NAMPT: variants seen among roughly 807,000 people sequenced by gnomAD.
NAMPT encodes the protein nicotinamide phosphoribosyltransferase.
In NAMPT, 7 loss-of-function variants were observed where a neutral mutation model predicts 58.7. The ratio of observed to expected loss-of-function variants is 0.12; its 90% CI spans 0.07 to 0.22. The LOEUF (loss-of-function observed/expected upper bound fraction) is 0.22, where lower values mean the gene tolerates loss of function less well. Ranked by LOEUF, NAMPT falls within the 10% of genes least tolerant of loss-of-function variation. The probability of loss-of-function intolerance (pLI) is 1.00; values close to 1 mark genes in which losing one functional copy is unlikely to be tolerated. For synonymous variants in NAMPT, 145 were observed against 198.1 expected, an observed-to-expected ratio of 0.73 and a Z score of 2.25; for missense variants, 271 against 567.9, an observed-to-expected ratio of 0.48 and a Z score of 5.31.
rs138769863 is a variant in NAMPT, at chr7:106,265,212, T to C, written c.744-1595A>G. ...AATTAAGATCAATGAATACCAATAC[T>C]GGAGAACTTTACAACGTATGAATTA... On this transcript the variant is annotated intron_variant, in intron 6 of 10. Coordinates refer to ENST00000222553, the MANE Select transcript of NAMPT (RefSeq NM_005746.3). Among the ~76,000 whole-genome samples the C allele has an allele frequency of 4.6e-3, 694 of 152,202 alleles. 8 individuals are homozygous for C. Among genetic ancestry groups the C allele is most frequent in the African/African-American group, 0.016 (644 of 41,546 alleles).
At chr7:106,251,628 A>G (rs1792105837) in intron 10 of NAMPT, among the ~76,000 whole-genome samples, 1 of 152,118 alleles carries the variant, frequency 6.6e-6, no homozygotes, top group African/African-American at 2.4e-5. Flanking sequence ...TATCAAATGG[A>G]AGTTTAAGAA....
At chr7:106,278,737 T>A (rs1421312160) in intron 1 of NAMPT, among the ~76,000 whole-genome samples, 1 of 152,178 alleles carries the variant, frequency 6.6e-6, no homozygotes, top group Non-Finnish European at 1.5e-5. Flanking sequence ...CCAAGATGTA[T>A]GTAAAAATGA....
chr7:106,251,752 G>A (rs1792107999), intron 10 of NAMPT, among the ~76,000 whole-genome samples: 1 of 152,064 alleles, frequency 6.6e-6, no homozygotes, highest in Non-Finnish European at 1.5e-5. Flanking sequence ...CAGTGACTGG[G>A]TTAAAGATTC....
chr7:106,267,994 A>G (rs981632613), intron 6 of NAMPT, among the ~76,000 whole-genome samples: 1 of 151,930 alleles, frequency 6.6e-6, no homozygotes, highest in Non-Finnish European at 1.5e-5. Flanking sequence ...GGAAGCGTAA[A>G]AAGAATCTGA....
At chr7:106,255,281 C>T (rs1305227315) in intron 8 of NAMPT, among the ~76,000 whole-genome samples, 1 of 152,140 alleles carries the variant, frequency 6.6e-6, no homozygotes, top group Non-Finnish European at 1.5e-5. Flanking sequence ...TAGCATCTGC[C>T]TTAATATATT....
At position 106,267,616 on chromosome 7, in the gene NAMPT, C is replaced by T. The variant is rs532746064; in HGVS notation, c.743+848G>A. ...CAGCACTTTGGGAGGCCGAGGCAGG[C>T]GGATCACGAGGTCAGGAGATCGAGA... is the stretch of plus-strand genomic sequence containing the variant. On this transcript the variant is annotated intron_variant, in intron 6 of 10. Coordinates refer to ENST00000222553, the MANE Select transcript of NAMPT (RefSeq NM_005746.3). Among the ~76,000 whole-genome samples, 15 of 151,456 alleles carry T rather than the reference C, an allele frequency of 9.9e-5. No homozygotes were observed. The South Asian group carries it at 2.7e-3, about 27-fold the overall frequency.
rs190109708 is a variant in NAMPT at position 106,265,227 on chromosome 7, C to T, written c.744-1610G>A. Among the ~76,000 whole-genome samples the T allele has an allele frequency of 7.9e-4, 120 of 152,184 alleles. 1 individual carries two copies. Among genetic ancestry groups the T allele is most frequent in the African/African-American group, 2.6e-3 (108 of 41,532 alleles). ...ATACCAATACTGGAGAACTTTACAA[C>T]GTATGAATTAACTCCTACAGTTAAG... is the stretch of plus-strand genomic sequence containing the variant. On this transcript the variant is annotated intron_variant, in intron 6 of 10. Coordinates refer to ENST00000222553, the MANE Select transcript of NAMPT (RefSeq NM_005746.3).
chr7:106,274,914 A>AAAAC, intron 3 of NAMPT, 32 bp downstream of exon 3: 1 of 1,455,250 alleles, frequency 6.9e-7, no homozygotes, highest in Non-Finnish European at 9.5e-7. Flanking sequence ...AAGAAAAACC[A>AAAAC]AAACAGATCA....
chr7:106,255,296 C>G (rs562162069), intron 8 of NAMPT, among the ~76,000 whole-genome samples: 3 of 152,198 alleles, frequency 2.0e-5, no homozygotes, highest in Admixed American at 1.3e-4. Flanking sequence ...TATATTCAAT[C>G]ACTTTGATGA....
Position 106,274,938 on chromosome 7 carries a change from T to A in NAMPT, c.318+8A>T. 6.4e-7 allele frequency: 1 copy of A among 1,554,634 alleles called. No homozygotes were observed. The highest frequency in any genetic ancestry group is 2.3e-5 in the East Asian group (1 of 44,420). ...CAAAACAGATCAAAAGATGAAACCA[T>A]CTTTTACCTCAAGAATGTAGTTCCA... On this transcript the variant is annotated splice_region_variant and intron_variant, in intron 3 of 10. Transcript: ENST00000222553.
At position 106,284,913 on chromosome 7, in the gene NAMPT, C is replaced by T; in HGVS notation, c.-29G>A. The T allele has an allele frequency of 6.4e-7, 1 of 1,572,444 alleles. No individual in the cohort carries two copies. Among genetic ancestry groups the T allele is most frequent in the South Asian group, 1.2e-5 (1 of 85,974 alleles). On this transcript the variant is annotated 5_prime_UTR_variant, in exon 1 of 11. Coordinates refer to ENST00000222553, the MANE Select transcript of NAMPT (RefSeq NM_005746.3). Reference sequence around the variant, plus strand: ...GGGCCGGAGGACAGGGGCCGCGCGCCGCGAGCTCCCTGGCGCGGCTGCGAG... The same window carrying T: ...GGGCCGGAGGACAGGGGCCGCGCGCTGCGAGCTCCCTGGCGCGGCTGCGAG...
At chr7:106,268,018 C>G (rs1193053861) in intron 6 of NAMPT, among the ~76,000 whole-genome samples, 2 of 151,954 alleles carry the variant, frequency 1.3e-5, no homozygotes, top group African/African-American at 4.8e-5. Flanking sequence ...CCCTTTCTTT[C>G]CTCAACAGGT....
rs1197665058 is a variant in NAMPT at position 106,250,063 on chromosome 7, A to C, written c.*1020T>G. 6.6e-6 allele frequency: 1 copy of C among 152,332 alleles called. No individual in the cohort carries two copies. Among genetic ancestry groups the C allele is most frequent in the Non-Finnish European group, 1.5e-5 (1 of 67,970 alleles). The allele number at this position is 152,332 out of a possible 1,614,324, so 9.4% of individuals were successfully genotyped here. A position where few individuals can be genotyped will look rare whatever the true frequency, so the allele number is the denominator to read the frequency against. ...GTCCATACAATTTAATATCCAATTTAATTTTTTAAAAACTTAATAAAAAAT... is the reference window on the plus strand; with the variant it reads ...GTCCATACAATTTAATATCCAATTTCATTTTTTAAAAACTTAATAAAAAAT... On this transcript the variant is annotated 3_prime_UTR_variant, in exon 11 of 11. Transcript: ENST00000222553.
In NAMPT at chr7:106,269,024, A is replaced by T. The variant is rs1792479867; in HGVS notation, c.606+130T>A. 8 of 794,826 alleles carry T rather than the reference A, an allele frequency of 1.0e-5. No individual in the cohort carries two copies. The Admixed American group carries it at 2.0e-4, about 20-fold the overall frequency. The allele number at this position is 794,826 out of a possible 1,614,324, so 49.2% of individuals were successfully genotyped here. A position where few individuals can be genotyped will look rare whatever the true frequency, so the allele number is the denominator to read the frequency against. On this transcript the variant is annotated intron_variant, in intron 5 of 10. Transcript: ENST00000222553. ...CTGAACACAGTAGTAGGTACTGAAT[A>T]TGTATCTGTTGGTTGAATCTTTGGA...
chr7:106,277,278 A>G lies in NAMPT; in HGVS notation c.58-99T>C, dbSNP rs950341591. On this transcript the variant is annotated intron_variant, in intron 1 of 10. Transcript: ENST00000222553. ...GTTATTTCAAAACCAGAGAAACTAT[A>G]TTTCTTGTTTGCTATTAACCAGTTT... is the stretch of plus-strand genomic sequence containing the variant. The G allele has an allele frequency of 1.8e-5, 19 of 1,034,680 alleles. No individual in the cohort carries two copies. The South Asian group carries it at 2.8e-4, about 15-fold the overall frequency. 64.1% of individuals were successfully genotyped at this position (1,034,680 alleles called of 1,614,324 possible). A position where few individuals can be genotyped will look rare whatever the true frequency, so the allele number is the denominator to read the frequency against.
intron 5 of NAMPT, 27 bp downstream of exon 5, chr7:106,269,127 T>C (rs1355179885): frequency 6.3e-7 from 1 of 1,590,994 alleles, no homozygotes; most frequent in Non-Finnish European, 8.6e-7. Context: ...CACATTATAT[T>C]AAATGAGGTT....
intron 6 of NAMPT, among the ~76,000 whole-genome samples, chr7:106,266,865 G>A (rs711438): frequency 0.56 from 85,291 of 152,094 alleles, 25,712 homozygotes; most frequent in East Asian, 0.89. Context: ...GAAAATGCCT[G>A]ATTTAGAATA....
chr7:106,263,058 G>T, intron 7 of NAMPT: 1 of 291,528 alleles, frequency 3.4e-6, no homozygotes. Flanking sequence ...AGTGACTTAT[G>T]CTGAAAAAGA....
intron 8 of NAMPT, among the ~76,000 whole-genome samples, chr7:106,255,346 T>C (rs926002663): frequency 4.6e-5 from 7 of 151,822 alleles, no homozygotes; most frequent in African/African-American, 1.7e-4. Context: ...ATTTATTTCA[T>C]GAGAATAGTC....
Sources: gnomAD v4.1 joint callset for allele counts (sites outside exome capture counted in the v4.1 genomes callset) on GRCh38, gnomAD v4.1.1 for gene constraint, MANE v1.5 for transcripts, NCBI Gene and HGNC (gene_info 2026-07-23, HGNC 2026-07-21) for gene names.